The following GABRR2 variants were observed in gnomAD, a reference collection of about 807,000 sequenced individuals.
The protein encoded by GABRR2 is gamma-aminobutyric acid type A receptor subunit rho2.
A neutral mutation model predicts 47.0 loss-of-function variants in GABRR2; 36 were observed. The ratio of observed to expected loss-of-function variants is 0.77; its 90% CI spans 0.59 to 1.01. GABRR2 has a LOEUF of 1.01. Ranked by LOEUF, GABRR2 falls within the 50% of genes least tolerant of loss-of-function variation. GABRR2 has a pLI of 0.00. For missense variants in GABRR2, 587 were observed against 594.6 expected (o/e 0.99, Z 0.13); for synonymous variants, 204 against 227.5 (o/e 0.90, Z 0.93).
intron 1 of GABRR2, among the ~76,000 whole-genome samples, chr6:89,309,822 G>C (rs1365356552): frequency 6.6e-6 from 1 of 151,944 alleles, no homozygotes; most frequent in Non-Finnish European, 1.5e-5. Context: ...CTGTTACCCA[G>C]GCTGGAGTGC....
intron 4 of GABRR2, 56 bp downstream of exon 4, chr6:89,268,955 G>T: frequency 1.3e-6 from 2 of 1,514,292 alleles, no homozygotes; most frequent in Non-Finnish European, 1.8e-6. Flanking sequence ...CAAAGGGCCT[G>T]ACCACACATA....
intron 1 of GABRR2, among the ~76,000 whole-genome samples, chr6:89,300,987 C>T (rs1452434821): frequency 2.6e-5 from 4 of 152,128 alleles, no homozygotes; most frequent in Admixed American, 1.3e-4. Context: ...GGCAAACAAT[C>T]CTCAACAAAA....
At chr6:89,263,797 A>G (rs1209292908) in intron 8 of GABRR2, among the ~76,000 whole-genome samples, 1 of 152,350 alleles carries the variant, frequency 6.6e-6, no homozygotes, top group East Asian at 1.9e-4. Context: ...TGCTGGGATT[A>G]TAGGCGTGAG....
intron 1 of GABRR2, among the ~76,000 whole-genome samples, chr6:89,303,647 GAAA>G (rs34541330): frequency 0.05 from 5,137 of 102,676 alleles, 129 homozygotes; most frequent in Non-Finnish European, 0.068. Context: ...TCTTAAGGAG[GAAA>G]AAAAAAAAAA....
chr6:89,273,957 G>A (rs1328628538), intron 2 of GABRR2, among the ~76,000 whole-genome samples: 8 of 152,332 alleles, frequency 5.3e-5, no homozygotes, highest in African/African-American at 1.7e-4. Context: ...ACAATACAGC[G>A]ATGGCCCTCT....
intron 1 of GABRR2, chr6:89,303,196 C>T (rs1172471850): frequency 2.9e-5 from 11 of 383,080 alleles, no homozygotes; most frequent in African/African-American, 4.3e-5. Context: ...ATCTTGCTGT[C>T]GACACTGTCC....
intron 1 of GABRR2, among the ~76,000 whole-genome samples, chr6:89,311,809 C>G (rs1321497508): frequency 6.6e-6 from 1 of 152,208 alleles, no homozygotes; most frequent in Non-Finnish European, 1.5e-5. Context: ...CCCCCCTTTT[C>G]AGCTGGAGAA....
At position 89,255,186 on chromosome 6, in the gene GABRR2, C is replaced by T. The variant is rs1472768694; in HGVS notation, c.*2484G>A. 1.3e-5 allele frequency among the ~76,000 whole-genome samples: 2 copies of T among 152,170 alleles called. No individual in the cohort carries two copies. The highest frequency in any genetic ancestry group is 2.9e-5 in the Non-Finnish European group (2 of 68,024). On this transcript the variant is annotated 3_prime_UTR_variant, in exon 9 of 9. Transcript: ENST00000402938. ...GTGTGGTGGCTCACGCCTGTAATCA[C>T]AGCACTTTGGGAGGCTGAGGCAGGC...
chr6:89,291,608 T>G (rs1774442582), intron 2 of GABRR2, among the ~76,000 whole-genome samples: 1 of 152,108 alleles, frequency 6.6e-6, no homozygotes. Flanking sequence ...CTGGGTATCC[T>G]TCCAGATTCA....
In GABRR2 at chr6:89,257,863, T is replaced by A; in HGVS notation, c.1205A>T (p.Glu402Val). The A allele has an allele frequency of 1.2e-6, 2 of 1,614,068 alleles. No individual in the cohort carries two copies. Among genetic ancestry groups the A allele is most frequent in the African/African-American group, 2.7e-5 (2 of 75,066 alleles). ...YPRSHILTEEERQDKIVVHLG... is the reference protein window; with the variant it reads ...YPRSHILTEEVRQDKIVVHLG... ...GTGGACCACTATTTTGTCTTGCCTT[T>A]CTTCTTCTGTCAGGATATGGCTTCT... is the stretch of plus-strand genomic sequence containing the variant. The change falls in exon 9 of 9, where the codon GAA (glutamate) becomes GTA (valine). Residue 402 changes from glutamate to valine, a missense_variant. Glu to Val is a moderately radical substitution (Grantham distance 121). Coordinates refer to ENST00000402938, the MANE Select transcript of GABRR2 (RefSeq NM_002043.5).
intron 1 of GABRR2, among the ~76,000 whole-genome samples, chr6:89,313,915 AAAAC>A (rs1405301084): frequency 1.3e-5 from 2 of 152,156 alleles, no homozygotes; most frequent in Non-Finnish European, 2.9e-5. Context: ...TCCATCTCAA[AAAAC>A]AAACAAACAA....
chr6:89,308,535 G>T (rs757003726), intron 1 of GABRR2, among the ~76,000 whole-genome samples: 1 of 152,072 alleles, frequency 6.6e-6, no homozygotes, highest in Non-Finnish European at 1.5e-5. Flanking sequence ...TTTATTGTTT[G>T]GTGCTAATAT....
chr6:89,282,270 G>A (rs1774265324), intron 2 of GABRR2, among the ~76,000 whole-genome samples: 1 of 152,168 alleles, frequency 6.6e-6, no homozygotes, highest in Non-Finnish European at 1.5e-5. Flanking sequence ...AAGGACACGT[G>A]CATTTGACCT....
At chr6:89,305,298 T>A (rs1455679935) in intron 1 of GABRR2, among the ~76,000 whole-genome samples, 2 of 152,120 alleles carry the variant, frequency 1.3e-5, no homozygotes, top group Admixed American at 1.3e-4. Flanking sequence ...GAGGTTGCAG[T>A]GTGCTGAAAT....
chr6:89,303,498 A>C (rs1767497228), intron 1 of GABRR2, among the ~76,000 whole-genome samples: 1 of 152,204 alleles, frequency 6.6e-6, no homozygotes, highest in Admixed American at 6.5e-5. Context: ...AATATCATTA[A>C]AATGGTCATA....
At chr6:89,266,504 A>G (rs1193058620) in intron 6 of GABRR2, among the ~76,000 whole-genome samples, 1 of 152,176 alleles carries the variant, frequency 6.6e-6, no homozygotes, top group Non-Finnish European at 1.5e-5. Flanking sequence ...CAAACTCCAC[A>G]TCTGTCACAA....
chr6:89,274,534 G>T (rs1272020669), intron 2 of GABRR2, among the ~76,000 whole-genome samples: 1 of 152,094 alleles, frequency 6.6e-6, no homozygotes, highest in East Asian at 1.9e-4. Context: ...AACTAATGAG[G>T]CTTGGCCCCT....
At position 89,315,092 on chromosome 6, in the gene GABRR2, C is replaced by T; in HGVS notation, c.74G>A (p.Arg25Lys). The change falls in exon 1 of 9, where the codon AGG becomes AAG. Residue 25 changes from arginine (R) to lysine (K), a missense_variant. Transcript: ENST00000402938. ...MVLVESRKPK[R>K]KRWTGQVEMP... ...TTCCACCTGCCCTGTCCATCGCTTCCTCTTGGGTTTTCTGCTCTCCACGAG... is the reference window on the plus strand; with the variant it reads ...TTCCACCTGCCCTGTCCATCGCTTCTTCTTGGGTTTTCTGCTCTCCACGAG... The T allele has an allele frequency of 1.2e-6, 2 of 1,613,958 alleles. No homozygotes were observed. The highest frequency in any genetic ancestry group is 1.7e-6 in the Non-Finnish European group (2 of 1,179,874).
At chr6:89,262,774 T>C (rs1465327451) in intron 8 of GABRR2, among the ~76,000 whole-genome samples, 1 of 152,258 alleles carries the variant, frequency 6.6e-6, no homozygotes, top group African/African-American at 2.4e-5. Flanking sequence ...TTCATAAATA[T>C]GAGATTTTCA....
Sources: gnomAD v4.1 joint callset for allele counts (sites outside exome capture counted in the v4.1 genomes callset) on GRCh38, gnomAD v4.1.1 for gene constraint, MANE v1.5 for transcripts, NCBI Gene and HGNC (gene_info 2026-07-23, HGNC 2026-07-21) for gene names.